Variants in MNDA observed in about 807,000 individuals in gnomAD.
The protein encoded by MNDA is epididymis secretory sperm binding protein.
MNDA carries 43 observed loss-of-function variants against 37.8 expected under a neutral mutation model. The ratio of observed to expected loss-of-function variants is 1.14; its 90% confidence interval spans 0.89 to 1.47. The LOEUF is 1.47. Ranked by LOEUF, MNDA falls within the 40% of genes most tolerant of loss-of-function variation. The pLI is 0.00. For synonymous variants in MNDA, 181 were observed against 169.0 expected, an observed-to-expected ratio of 1.07 and a Z score of -0.55; for missense variants, 536 against 476.0, an observed-to-expected ratio of 1.13 and a Z score of -1.17.
At chr1:158,847,669 T>A (rs1300808284) in intron 5 of MNDA, 59 bp from the exon 6 acceptor site, 2 of 1,498,160 alleles carry the variant, frequency 1.3e-6, no homozygotes, top group African/African-American at 2.8e-5. Flanking sequence ...TGAGACTCTT[T>A]CTCATCTATA....
At position 158,847,766 on chromosome 1, in the gene MNDA, G is replaced by A. The variant is rs1371410506; in HGVS notation, c.1026G>A (p.Gln342=). Residue 342 remains glutamine (Q), a synonymous_variant, in exon 6 of 7, where the codon CAG becomes CAA. Transcript: ENST00000368141. ...AGAAGAACACAATTTATGAAATACA[G>A]GATAATACAGGATCCATGGATGTAG... The part of the protein sequence containing the change: ...VHKKNTIYEI[Q]DNTGSMDVVG... 5.0e-6 allele frequency: 8 copies of A among 1,613,664 alleles called. No homozygotes were observed. The highest frequency in any genetic ancestry group is 6.8e-6 in the Non-Finnish European group (8 of 1,179,818).
At chr1:158,844,921 T>G (rs1014327739) in intron 4 of MNDA, among the ~76,000 whole-genome samples, 5 of 152,190 alleles carry the variant, frequency 3.3e-5, no homozygotes, top group Non-Finnish European at 7.3e-5. Flanking sequence ...TTCTTTAAAG[T>G]TTCTTCACAA....
intron 5 of MNDA, among the ~76,000 whole-genome samples, chr1:158,846,278 A>C (rs1040669695): frequency 6.6e-6 from 1 of 152,238 alleles, no homozygotes; most frequent in African/African-American, 2.4e-5. Flanking sequence ...CAGGGTCCAA[A>C]TCAACGGGAG....
chr1:158,845,606 A>G lies in MNDA; in HGVS notation c.590A>G (p.Gln197Arg). 6.2e-7 allele frequency: 1 copy of G among 1,612,596 alleles called. No individual in the cohort carries two copies. Among genetic ancestry groups the G allele is most frequent in the Non-Finnish European group, 8.5e-7 (1 of 1,179,192 alleles). The stretch of plus-strand genomic sequence containing the variant: ...ACACAGAATCAGGAAACCCAGGCCC[A>G]ACGGCAGGTGGATGCAAGAAGAAAT... ...SFTPNQETQA[Q>R]RQVDARRNVP... Residue 197 changes from glutamine to arginine, a missense_variant, in exon 5 of 7, where the codon CAA becomes CGA. Transcript: ENST00000368141.
Position 158,843,990 on chromosome 1 carries a change from CA to C in MNDA, c.442del (p.Arg148GlyfsTer65). On this transcript the variant is annotated frameshift_variant, in exon 4 of 7. Transcript: ENST00000368141. LOFTEE classifies it high-confidence loss of function. ...KTPNKEKTEA[K>X]RNKVSQEQSK... is the part of the protein sequence containing the mutation. ...CTCCAAACAAAGAAAAGACTGAAGC[CA>C]AAAGGAATAAGGTGTCCCAAGAGCA... 1 of 1,605,576 alleles carries C rather than the reference CA, an allele frequency of 6.2e-7. No homozygotes were observed. The highest frequency in any genetic ancestry group is 8.5e-7 in the Non-Finnish European group (1 of 1,177,556).
In MNDA at chr1:158,849,363, A is replaced by T; in HGVS notation, c.*126A>T. On this transcript the variant is annotated 3_prime_UTR_variant, in exon 7 of 7. Coordinates refer to ENST00000368141, the MANE Select transcript of MNDA (RefSeq NM_002432.3). ...TCAGTAGATATATTCTAGCATATTA[A>T]GAGCTTTTATAACTGAGTTATAGAT... 1.3e-6 allele frequency: 1 copy of T among 749,840 alleles called. No individual in the cohort carries two copies. The highest frequency in any genetic ancestry group is 2.0e-6 in the Non-Finnish European group (1 of 490,360). The allele number at this position is 749,840 out of a possible 1,614,324, so 46.4% of individuals were successfully genotyped here.
chr1:158,831,940 AT>A (rs543229154), intron 1 of MNDA, among the ~76,000 whole-genome samples: 121 of 152,310 alleles, frequency 7.9e-4, no homozygotes, highest in Non-Finnish European at 1.6e-3. Context: ...TTAGTAAAAA[AT>A]AAACCAGGAT....
rs1659200502 is a variant in MNDA at position 158,849,151 on chromosome 1, TCTA to T, written c.1177-38_1177-36del. The T allele has an allele frequency of 2.6e-6, 4 of 1,514,718 alleles. No homozygotes were observed. The African/African-American group carries it at 5.5e-5, about 21-fold the overall frequency. The allele number at this position is 1,514,718 out of a possible 1,614,324, so 93.8% of individuals were successfully genotyped here. The stretch of plus-strand genomic sequence containing the variant: ...CTATAAGCAGAGCTTCATTTCAATA[TCTA>T]GGGTCTCATTATGTCTTTCTTATCT... On this transcript the variant is annotated intron_variant, in intron 6 of 6. Coordinates refer to ENST00000368141, the MANE Select transcript of MNDA (RefSeq NM_002432.3).
In MNDA at chr1:158,845,744, A is replaced by G. The variant is rs1471205627; in HGVS notation, c.728A>G (p.Lys243Arg). The change falls in exon 5 of 7, where the codon AAG becomes AGG. Residue 243 changes from lysine to arginine, a missense_variant. Transcript: ENST00000368141. ...ATGTTTCATGCTACAGTGGCCAGTAAGACTCAATATTTCCATGTGAAAGTC... is the reference window on the plus strand; with the variant it reads ...ATGTTTCATGCTACAGTGGCCAGTAGGACTCAATATTTCCATGTGAAAGTC... ...STMFHATVAS[K>R]TQYFHVKVFD... The G allele has an allele frequency of 6.2e-7, 1 of 1,614,208 alleles. No individual in the cohort carries two copies. The highest frequency in any genetic ancestry group is 1.1e-5 in the South Asian group (1 of 91,082).
chr1:158,848,300 A>T (rs2106090), intron 6 of MNDA, among the ~76,000 whole-genome samples: 24,572 of 152,124 alleles, frequency 0.16, 2,305 homozygotes, highest in Admixed American at 0.26. Context: ...CTTCATTGGG[A>T]TGGTTTAAAC....
intron 1 of MNDA, among the ~76,000 whole-genome samples, chr1:158,835,921 G>A (rs1658904415): frequency 6.6e-6 from 1 of 151,226 alleles, no homozygotes. Context: ...CTGGTAATGT[G>A]GTGTATTATC....
intron 1 of MNDA, among the ~76,000 whole-genome samples, chr1:158,833,462 C>A (rs560772663): frequency 4.6e-5 from 7 of 152,194 alleles, no homozygotes; most frequent in Non-Finnish European, 8.8e-5. Context: ...AAAACTCTAA[C>A]CGTTAACCAA....
chr1:158,846,401 T>TG lies in MNDA; in HGVS notation c.987+400dup, dbSNP rs140128101. Among the ~76,000 whole-genome samples, 1,042 of 152,334 alleles carry TG rather than the reference T, an allele frequency of 6.8e-3. 10 individuals are homozygous for TG. The highest frequency in any genetic ancestry group is 0.022 in the African/African-American group (915 of 41,574). ...GAATTGTGCTACCAAGGTTGAATTC[T>TG]GGTTGTGACATAATTTTGGAGTAAT... is the stretch of plus-strand genomic sequence containing the variant. On this transcript the variant is annotated intron_variant, in intron 5 of 6. Coordinates refer to ENST00000368141, the MANE Select transcript of MNDA (RefSeq NM_002432.3).
chr1:158,843,218 C>G, intron 2 of MNDA, 61 bp from the exon 3 acceptor site: 2 of 1,524,600 alleles, frequency 1.3e-6, no homozygotes, highest in Non-Finnish European at 1.8e-6. Flanking sequence ...ACTGCCTCAG[C>G]TGTCTTAGAT....
In MNDA at chr1:158,845,846, T is replaced by G. The variant is rs771531713; in HGVS notation, c.830T>G (p.Val277Gly). The part of the protein sequence containing the change: ...TISDYSECKG[V>G]MEIKEASSVS... ...TCTGATTACTCTGAATGTAAAGGAG[T>G]AATGGAAATAAAGGAAGCATCATCT... The change falls in exon 5 of 7, where the codon GTA becomes GGA. Residue 277 changes from valine (V) to glycine (G), a missense_variant. Transcript: ENST00000368141. 14 of 1,613,658 alleles carry G rather than the reference T, an allele frequency of 8.7e-6. No homozygotes were observed. The highest frequency in any genetic ancestry group is 2.7e-5 in the African/African-American group (2 of 74,752).
chr1:158,842,025 C>T, intron 1 of MNDA, 109 bp from the exon 2 acceptor site: 2 of 849,984 alleles, frequency 2.4e-6, no homozygotes, highest in South Asian at 3.5e-5. Flanking sequence ...TTCTTATACG[C>T]ATCCAAGGAC....
At position 158,843,308 on chromosome 1, in the gene MNDA, G is replaced by A; in HGVS notation, c.295G>A (p.Ala99Thr). The part of the protein sequence containing the change: ...VAKKIKTQEK[A>T]PVKKINQEEV... ...TAAGAAAATTAAAACACAAGAAAAAGCTCCAGTGAAAAAAATAAACCAGGA... is the reference window on the plus strand; with the variant it reads ...TAAGAAAATTAAAACACAAGAAAAAACTCCAGTGAAAAAAATAAACCAGGA... The change falls in exon 3 of 7, where the codon GCT (alanine) becomes ACT (threonine). Residue 99 changes from alanine (A) to threonine (T), a missense_variant. Transcript: ENST00000368141. The A allele has an allele frequency of 6.2e-7, 1 of 1,610,824 alleles. No individual in the cohort carries two copies. The highest frequency in any genetic ancestry group is 8.5e-7 in the Non-Finnish European group (1 of 1,178,792).
chr1:158,846,500 T>C (rs1487011072), intron 5 of MNDA, among the ~76,000 whole-genome samples: 2 of 152,242 alleles, frequency 1.3e-5, no homozygotes, highest in South Asian at 2.1e-4. Flanking sequence ...CATTTGTGCT[T>C]AGATCAGTTG....
chr1:158,841,195 G>C (rs149748594), intron 1 of MNDA, among the ~76,000 whole-genome samples: 3 of 152,238 alleles, frequency 2.0e-5, no homozygotes, highest in African/African-American at 7.2e-5. Context: ...ACCTGAAAAA[G>C]AAAGACATAT....
Sources: allele counts gnomAD v4.1 joint callset (sites outside exome capture counted in the v4.1 genomes callset), GRCh38; gene constraint gnomAD v4.1.1; transcripts MANE v1.5; gene names NCBI Gene and HGNC (gene_info 2026-07-23, HGNC 2026-07-21).